The following TPX2 variants were observed in gnomAD, a reference collection of about 807,000 sequenced individuals.
TPX2 encodes the protein targeting protein for Xklp2.
Under a neutral mutation model 93.6 loss-of-function variants are expected in TPX2, and 21 were observed. That is an observed-to-expected ratio of 0.22 (90% CI 0.16 to 0.32). The LOEUF (loss-of-function observed/expected upper bound fraction) is 0.32, where lower values mean the gene tolerates loss of function less well. TPX2 is among the 10% of genes least tolerant of loss of function. TPX2 has a pLI of 1.00. For missense variants in TPX2, 776 were observed against 871.1 expected, an observed-to-expected ratio of 0.89 and a Z score of 1.37; for synonymous variants, 281 against 298.3, an observed-to-expected ratio of 0.94 and a Z score of 0.60.
intron 2 of TPX2, among the ~76,000 whole-genome samples, chr20:31,744,579 G>C (rs2061773113): frequency 6.6e-6 from 1 of 151,874 alleles, no homozygotes; most frequent in Non-Finnish European, 1.5e-5. Context: ...AGGCTGGAGT[G>C]TGCACTTCAG....
chr20:31,763,828 G>A (rs2061906631), intron 4 of TPX2, among the ~76,000 whole-genome samples: 1 of 150,812 alleles, frequency 6.6e-6, no homozygotes, highest in Admixed American at 6.7e-5. Flanking sequence ...GACCAGCCTG[G>A]CCAATATGGT....
chr20:31,788,417 C>CAAAA lies in TPX2; in HGVS notation c.1414-4299_1414-4296dup, dbSNP rs11356550. Among the ~76,000 whole-genome samples the CAAAA allele has an allele frequency of 2.4e-3, 163 of 68,652 alleles. 1 individual carries two copies. Among genetic ancestry groups the CAAAA allele is most frequent in the African/African-American group, 7.8e-3 (155 of 19,764 alleles). 45.0% of individuals were successfully genotyped at this position (68,652 alleles called of 152,430 possible). On this transcript the variant is annotated intron_variant, in intron 12 of 17. Transcript: ENST00000300403. Reference sequence around the variant, plus strand: ...TGGGCAACAGAGCGAGACTCTGTCTCAAAAAAAAAAAAAAAAAAAAAAGTC... The same window carrying CAAAA: ...TGGGCAACAGAGCGAGACTCTGTCTCAAAAAAAAAAAAAAAAAAAAAAAAAAGTC...
At chr20:31,789,635 T>C (rs984550293) in intron 12 of TPX2, among the ~76,000 whole-genome samples, 26 of 152,222 alleles carry the variant, frequency 1.7e-4, no homozygotes, top group Non-Finnish European at 3.1e-4. Flanking sequence ...AAAAAAACTT[T>C]CTTTGTTTCT....
intron 7 of TPX2, among the ~76,000 whole-genome samples, chr20:31,772,181 C>T (rs1355061215): frequency 7.2e-5 from 11 of 152,032 alleles, no homozygotes; most frequent in South Asian, 4.1e-4. Context: ...CCACCACACC[C>T]GGCTAATTTT....
At chr20:31,783,553 T>G in intron 11 of TPX2, 152 bp from the exon 12 acceptor site, 2 of 763,552 alleles carry the variant, frequency 2.6e-6, no homozygotes, top group Non-Finnish European at 4.0e-6. Flanking sequence ...GCCTGGCCCA[T>G]TGTTTTTCGT....
At position 31,782,492 on chromosome 20, in the gene TPX2, T is replaced by C. The variant is rs1600385254; in HGVS notation, c.1196+102T>C. 1.8e-5 allele frequency: 27 copies of C among 1,463,098 alleles called. No individual in the cohort carries two copies. The East Asian group carries it at 6.3e-4, about 34-fold the overall frequency. 90.6% of individuals were successfully genotyped at this position (1,463,098 alleles called of 1,614,324 possible). A position where few individuals can be genotyped will look rare whatever the true frequency, so the allele number is the denominator to read the frequency against. ...GTTGCTATTTTTCTTTCCGTAAAAA[T>C]TTATGGCATTTGAGTAGTAGGCTCT... On this transcript the variant is annotated intron_variant, in intron 11 of 17. Coordinates refer to ENST00000300403, the MANE Select transcript of TPX2 (RefSeq NM_012112.5).
intron 12 of TPX2, among the ~76,000 whole-genome samples, chr20:31,786,117 A>AAC (rs1419943524): frequency 6.6e-6 from 1 of 152,138 alleles, no homozygotes; most frequent in African/African-American, 2.4e-5. Flanking sequence ...TAATTCTCAC[A>AAC]ACAACCCTAT....
intron 2 of TPX2, among the ~76,000 whole-genome samples, chr20:31,755,243 CG>C (rs2061844569): frequency 6.6e-6 from 1 of 151,324 alleles, no homozygotes; most frequent in East Asian, 2.0e-4. Flanking sequence ...CCACCGTGCC[CG>C]GCCGCTTTTT....
chr20:31,780,464 A>G (rs2062026421), intron 10 of TPX2, among the ~76,000 whole-genome samples: 1 of 152,200 alleles, frequency 6.6e-6, no homozygotes. Flanking sequence ...GGAAATTTAA[A>G]TATTAAGCAT....
chr20:31,746,892 C>T (rs2061786431), intron 2 of TPX2, among the ~76,000 whole-genome samples: 3 of 152,120 alleles, frequency 2.0e-5, no homozygotes, highest in Admixed American at 2.0e-4. Context: ...TATCTCTTAC[C>T]CTAGAAAAAG....
At position 31,777,607 on chromosome 20, in the gene TPX2, C is replaced by T. The variant is rs758317739; in HGVS notation, c.851C>T (p.Thr284Ile). The part of the protein sequence containing the change: ...NQEEYKEVNF[T>I]SELRKHPSSP... ...GAGGAATATAAGGAAGTGAACTTTA[C>T]ATCTGAACTACGAAAGCATCCTTCA... is the stretch of plus-strand genomic sequence containing the variant. Residue 284 changes from threonine (T) to isoleucine (I), a missense_variant, in exon 9 of 18, where the codon ACA becomes ATA. Thr to Ile is a moderately conservative substitution (Grantham distance 89). Around this residue, in one of 3 missense-constraint regions of TPX2, gnomAD observed 461 missense variants for 551.2 expected, o/e 0.84. Transcript: ENST00000300403. 1.2e-6 allele frequency: 2 copies of T among 1,613,918 alleles called. No individual in the cohort carries two copies. Among genetic ancestry groups the T allele is most frequent in the African/African-American group, 2.7e-5 (2 of 74,942 alleles).
intron 12 of TPX2, 112 bp from the exon 13 acceptor site, chr20:31,792,623 C>CTGT: frequency 9.8e-7 from 1 of 1,017,262 alleles, no homozygotes; most frequent in Middle Eastern, 2.2e-4. Flanking sequence ...ACCAGCTGGG[C>CTGT]AACATAGTGA....
Position 31,770,376 on chromosome 20 carries a change from G to T in TPX2, c.390G>T (p.Leu130Phe). The T allele has an allele frequency of 1.2e-5, 19 of 1,604,126 alleles. No individual in the cohort carries two copies. Among genetic ancestry groups the T allele is most frequent in the Middle Eastern group, 1.7e-4 (1 of 6,030 alleles). Reference sequence around the variant, plus strand: ...TTAGGCTTTCTGCTCAGAAGGATTTGGAACAGAAAGAAAAGCATCATGTAA... The same window carrying T: ...TTAGGCTTTCTGCTCAGAAGGATTTTGAACAGAAAGAAAAGCATCATGTAA... ...RSLRLSAQKD[L>F]EQKEKHHVKM... Residue 130 changes from leucine (L) to phenylalanine (F), a missense_variant, in exon 6 of 18, where the codon TTG becomes TTT. This residue lies in a region of TPX2 where 279 missense variants were observed against 261.6 expected (regional missense o/e 1.07). Coordinates refer to ENST00000300403, the MANE Select transcript of TPX2 (RefSeq NM_012112.5).
At chr20:31,751,404 A>G (rs1452969883) in intron 2 of TPX2, among the ~76,000 whole-genome samples, 1 of 152,052 alleles carries the variant, frequency 6.6e-6, no homozygotes, top group African/African-American at 2.4e-5. Flanking sequence ...CATGTCTTCT[A>G]GCATATTTGT....
chr20:31,763,633 AT>A (rs2061904564), intron 4 of TPX2, among the ~76,000 whole-genome samples: 1 of 151,906 alleles, frequency 6.6e-6, no homozygotes, highest in African/African-American at 2.4e-5. Flanking sequence ...TGAAGCTACT[AT>A]TAGATGCATA....
chr20:31,773,597 C>T (rs1459123457), intron 7 of TPX2, among the ~76,000 whole-genome samples: 1 of 152,068 alleles, frequency 6.6e-6, no homozygotes, highest in Non-Finnish European at 1.5e-5. Context: ...GCCTGAAGTG[C>T]CATTGGCTTT....
chr20:31,787,834 C>T (rs2062076398), intron 12 of TPX2, among the ~76,000 whole-genome samples: 1 of 152,162 alleles, frequency 6.6e-6, no homozygotes, highest in Non-Finnish European at 1.5e-5. Context: ...TGAGTTCTGT[C>T]CTTTGTCCTG....
intron 7 of TPX2, 143 bp from the exon 8 acceptor site, chr20:31,775,724 C>A: frequency 4.0e-6 from 3 of 758,580 alleles, no homozygotes; most frequent in Non-Finnish European, 5.4e-6. Flanking sequence ...ATTAAGTTAG[C>A]ATCTATTTAT....
intron 2 of TPX2, among the ~76,000 whole-genome samples, chr20:31,745,197 C>A (rs2061776239): frequency 6.6e-6 from 1 of 152,180 alleles, no homozygotes; most frequent in South Asian, 2.1e-4. Context: ...TTCACATAGG[C>A]ATAAATGTAT....
Sources: allele counts gnomAD v4.1 joint callset (sites outside exome capture counted in the v4.1 genomes callset), GRCh38; gene constraint gnomAD v4.1.1; regional missense constraint gnomAD v4.1.1; transcripts MANE v1.5; gene names NCBI Gene and HGNC (gene_info 2026-07-23, HGNC 2026-07-21).